Variants in MRE11 observed in about 807,000 individuals in gnomAD.
MRE11 encodes the protein MRE11 double strand break repair nuclease, also known as double-strand break repair protein MRE11.
Under a neutral mutation model 91.7 loss-of-function variants are expected in MRE11, and 62 were observed. The observed-to-expected ratio is 0.68, with a 90% CI of 0.55 to 0.84. The LOEUF (loss-of-function observed/expected upper bound fraction) is 0.84. Among genes scored for constraint, MRE11 ranks in the 40% least tolerant of loss-of-function variants. MRE11 has a pLI of 0.00. For synonymous variants in MRE11, 273 were observed against 271.4 expected (o/e 1.01, Z -0.06); for missense variants, 796 against 852.9 (o/e 0.93, Z 0.83).
chr11:94,475,662 G>A (rs1946833524), intron 7 of MRE11: 1 of 455,358 alleles, frequency 2.2e-6, no homozygotes, highest in Non-Finnish European at 4.4e-6. Context: ...ACAAAAGAAA[G>A]GTAATCTAGC....
At chr11:94,509,204 G>T in the MRE11 span, among the ~76,000 whole-genome samples, 1 of 151,994 alleles carries the variant, frequency 6.6e-6, no homozygotes, top group Non-Finnish European at 1.5e-5. Flanking sequence ...ATTTATTTAG[G>T]TATTACTTTT....
the MRE11 span, among the ~76,000 whole-genome samples, chr11:94,507,893 A>G: frequency 6.6e-6 from 1 of 152,004 alleles, no homozygotes; most frequent in Non-Finnish European, 1.5e-5. Flanking sequence ...TTTTTTGGAT[A>G]TATGCTCTCT....
intron 16 of MRE11, among the ~76,000 whole-genome samples, chr11:94,444,756 T>C (rs1275834726): frequency 1.3e-5 from 2 of 152,258 alleles, no homozygotes; most frequent in Middle Eastern, 3.4e-3. Flanking sequence ...CTTCATCTTC[T>C]GAGAATTAGT....
At chr11:94,509,774 A>G in the MRE11 span, among the ~76,000 whole-genome samples, 21 of 152,176 alleles carry the variant, frequency 1.4e-4, no homozygotes, top group Admixed American at 6.5e-5. Context: ...TTGACAGCCA[A>G]TAACAGTTTA....
the MRE11 span, among the ~76,000 whole-genome samples, chr11:94,507,449 T>C: frequency 6.6e-6 from 1 of 152,274 alleles, no homozygotes; most frequent in South Asian, 2.1e-4. Flanking sequence ...TAGTACATGG[T>C]TTTGGTGTAC....
intron 16 of MRE11, among the ~76,000 whole-genome samples, chr11:94,437,633 G>C (rs1169232204): frequency 6.6e-6 from 1 of 152,186 alleles, no homozygotes; most frequent in Non-Finnish European, 1.5e-5. Flanking sequence ...GAGCCATGGG[G>C]TTCCAGTAGT....
the MRE11 span, among the ~76,000 whole-genome samples, chr11:94,500,739 C>T: frequency 6.6e-6 from 1 of 152,098 alleles, no homozygotes; most frequent in Admixed American, 6.5e-5. Flanking sequence ...TCCAGGGAGC[C>T]TTCCAACCCA....
At position 94,467,849 on chromosome 11, in the gene MRE11, A is replaced by G. The variant is rs1177773348; in HGVS notation, c.1062T>C (p.Asn354=). The part of the protein sequence containing the change: ...LENAERERLG[N]SHQPEKPLVR... Reference sequence around the variant, plus strand: ...CAAGAGGCTTCTCTGGCTGGTGAGAATTACCCAGACGTTCCCGTTCAGCAT... The same window carrying G: ...CAAGAGGCTTCTCTGGCTGGTGAGAGTTACCCAGACGTTCCCGTTCAGCAT... The change falls in exon 10 of 20, where the codon AAT becomes AAC. Residue 354 remains asparagine (N), a synonymous_variant. Transcript: ENST00000323929. 6.2e-7 allele frequency: 1 copy of G among 1,613,648 alleles called. No individual in the cohort carries two copies. Among genetic ancestry groups the G allele is most frequent in the Non-Finnish European group, 8.5e-7 (1 of 1,179,830 alleles).
chr11:94,416,036 C>T lies in MRE11; in HGVS notation c.*4089G>A, dbSNP rs967108485. 6.6e-6 allele frequency: 1 copy of T among 152,294 alleles called. No homozygotes were observed. The highest frequency in any genetic ancestry group is 1.5e-5 in the Non-Finnish European group (1 of 68,108). The allele number at this position is 152,294 out of a possible 1,614,324, so 9.4% of individuals were successfully genotyped here. A position where few individuals can be genotyped will look rare whatever the true frequency, so the allele number is the denominator to read the frequency against. ...ATGTTGGCCCTGCTGGTCTCGAACT[C>T]CTGACCTCAGGTGATCCGCCTGCTT... On this transcript the variant is annotated 3_prime_UTR_variant, in exon 20 of 20. Coordinates refer to ENST00000323929, the MANE Select transcript of MRE11 (RefSeq NM_005591.4).
intron 2 of MRE11, among the ~76,000 whole-genome samples, chr11:94,491,620 A>G (rs534469296): frequency 2.0e-5 from 3 of 152,352 alleles, no homozygotes; most frequent in Admixed American, 2.0e-4. Flanking sequence ...TCACAGATAA[A>G]GAGTCAGGCA....
At chr11:94,504,934 G>GT in the MRE11 span, among the ~76,000 whole-genome samples, 1 of 152,140 alleles carries the variant, frequency 6.6e-6, no homozygotes, top group Non-Finnish European at 1.5e-5. Context: ...GGTAAATGAT[G>GT]TATCGCCTAT....
At chr11:94,497,075 A>C, upstream of MRE11, 1 of 1,297,720 alleles carries the variant, frequency 7.7e-7, no homozygotes, top group South Asian at 1.2e-5. Flanking sequence ...CAAATGAGAC[A>C]ATGTACATGA....
At chr11:94,448,677 G>A (rs963213621) in intron 14 of MRE11, among the ~76,000 whole-genome samples, 1 of 151,848 alleles carries the variant, frequency 6.6e-6, no homozygotes, top group South Asian at 2.1e-4. Context: ...AGCCTAAGAA[G>A]GAATAAACAC....
chr11:94,500,793 C>T, the MRE11 span, among the ~76,000 whole-genome samples: 1 of 151,882 alleles, frequency 6.6e-6, no homozygotes, highest in Admixed American at 6.6e-5. Flanking sequence ...ATACTACAAT[C>T]TGAAGACATT....
chr11:94,478,959 T>C, intron 5 of MRE11, 83 bp from the exon 6 acceptor site: 1 of 1,412,464 alleles, frequency 7.1e-7, no homozygotes. Flanking sequence ...GTTAAAAGCA[T>C]ACTCCATATT....
upstream of MRE11, chr11:94,498,389 C>T: frequency 6.2e-7 from 1 of 1,613,354 alleles, no homozygotes; most frequent in Non-Finnish European, 8.5e-7. Context: ...TACCCTAGAA[C>T]TCCTCCTGAT....
chr11:94,473,302 T>C (rs764967890), intron 7 of MRE11: 24 of 152,114 alleles, frequency 1.6e-4, no homozygotes, highest in African/African-American at 4.1e-4. Flanking sequence ...AAATACAACA[T>C]GATGCCATTG....
chr11:94,508,780 G>A, the MRE11 span, among the ~76,000 whole-genome samples: 979 of 132,790 alleles, frequency 7.4e-3, 16 homozygotes, highest in African/African-American at 0.027. Flanking sequence ...TTTTTTTTTC[G>A]AGACAGAGTC....
At chr11:94,456,067 G>A (rs1038979795) in intron 14 of MRE11, among the ~76,000 whole-genome samples, 4 of 151,930 alleles carry the variant, frequency 2.6e-5, no homozygotes, top group Non-Finnish European at 5.9e-5. Context: ...TGCTAAACAG[G>A]TTTTAGACAA....
Sources: allele counts gnomAD v4.1 joint callset (sites outside exome capture counted in the v4.1 genomes callset), GRCh38; gene constraint gnomAD v4.1.1; transcripts MANE v1.5; gene names NCBI Gene and HGNC (gene_info 2026-07-23, HGNC 2026-07-21).